The following TBC1D5 variants were observed in gnomAD, a reference collection of about 807,000 sequenced individuals.
TBC1D5 encodes TBC1 domain family, member 5.
Under a neutral mutation model 100.3 loss-of-function variants are expected in TBC1D5, and 75 were observed. The observed-to-expected ratio is 0.75, with a 90% confidence interval of 0.62 to 0.91. The LOEUF is 0.91. Among genes scored for constraint, TBC1D5 ranks in the 40% least tolerant of loss-of-function variants. TBC1D5 has a pLI of 0.00. For synonymous variants in TBC1D5, 323 were observed against 325.6 expected (o/e 0.99, Z 0.09); for missense variants, 910 against 942.4 (o/e 0.97, Z 0.45).
At chr3:17,502,213 A>C (rs2095795444) in intron 3 of TBC1D5, among the ~76,000 whole-genome samples, 1 of 149,764 alleles carries the variant, frequency 6.7e-6, no homozygotes, top group Admixed American at 6.6e-5. Context: ...ATGTCAGTTT[A>C]GTATAGAATA....
At chr3:17,445,091 G>A (rs1411113684) in intron 3 of TBC1D5, among the ~76,000 whole-genome samples, 1 of 152,078 alleles carries the variant, frequency 6.6e-6, no homozygotes, top group Admixed American at 6.6e-5. Flanking sequence ...CCTTATCAGT[G>A]GACATATGGC....
At chr3:17,331,780 T>C (rs2086893920) in intron 13 of TBC1D5, among the ~76,000 whole-genome samples, 1 of 152,200 alleles carries the variant, frequency 6.6e-6, no homozygotes, top group Non-Finnish European at 1.5e-5. Context: ...CATGGGAACA[T>C]CTTGGCATGG....
rs77554049 is a variant in TBC1D5 at position 17,558,352 on chromosome 3, A to G, written c.-35-49747T>C. On this transcript the variant is annotated intron_variant, in intron 2 of 21. Transcript: ENST00000253692. ...CACCTTAAATTACAATTTAATAGTA[A>G]TAATTGCCAAGACTGTCTAAAAAGC... Among the ~76,000 whole-genome samples, 90 of 152,332 alleles carry G rather than the reference A, an allele frequency of 5.9e-4. No homozygotes were observed. In the East Asian group the frequency reaches 0.017, roughly 28 times the overall value.
At chr3:17,231,645 A>G (rs2075430502) in intron 17 of TBC1D5, among the ~76,000 whole-genome samples, 1 of 151,654 alleles carries the variant, frequency 6.6e-6, no homozygotes, top group Non-Finnish European at 1.5e-5. Flanking sequence ...CATAGATAGA[A>G]TTTTTTTTTC....
At chr3:17,466,905 T>C (rs2095310019) in intron 3 of TBC1D5, among the ~76,000 whole-genome samples, 1 of 152,058 alleles carries the variant, frequency 6.6e-6, no homozygotes, top group African/African-American at 2.4e-5. Context: ...TAAAAGTTTA[T>C]AATAAAAACA....
chr3:17,690,173 T>C (rs2070916802), intron 1 of TBC1D5, among the ~76,000 whole-genome samples: 1 of 149,050 alleles, frequency 6.7e-6, no homozygotes, highest in Non-Finnish European at 1.5e-5. Context: ...ATAATAAGAA[T>C]ATAAGAGAAC....
chr3:17,395,098 G>A (rs2093463703), intron 8 of TBC1D5, among the ~76,000 whole-genome samples: 1 of 152,046 alleles, frequency 6.6e-6, no homozygotes, highest in Non-Finnish European at 1.5e-5. Flanking sequence ...AAAAGGAGGG[G>A]CGGTTTGGGA....
At chr3:17,261,113 C>A (rs946621225) in intron 15 of TBC1D5, among the ~76,000 whole-genome samples, 1 of 152,122 alleles carries the variant, frequency 6.6e-6, no homozygotes, top group African/African-American at 2.4e-5. Context: ...AAAAAGGATA[C>A]CAATATTTTT....
At chr3:17,694,657 A>G (rs1198490638) in intron 1 of TBC1D5, among the ~76,000 whole-genome samples, 2 of 152,208 alleles carry the variant, frequency 1.3e-5, no homozygotes, top group East Asian at 1.9e-4. Context: ...AATGGACCCA[A>G]GTTGGAAAAC....
At chr3:17,209,891 C>T (rs2072724345) in intron 18 of TBC1D5, among the ~76,000 whole-genome samples, 1 of 152,152 alleles carries the variant, frequency 6.6e-6, no homozygotes, top group African/African-American at 2.4e-5. Context: ...CCAATCTGGG[C>T]TTGCTACTAC....
At chr3:17,345,913 C>G (rs1044034756) in intron 13 of TBC1D5, among the ~76,000 whole-genome samples, 4 of 150,640 alleles carry the variant, frequency 2.7e-5, no homozygotes, top group African/African-American at 9.8e-5. Flanking sequence ...ACTCTGGGGA[C>G]TGTTGTGGGG....
chr3:17,297,371 T>C (rs753709029), intron 14 of TBC1D5, among the ~76,000 whole-genome samples: 7 of 152,094 alleles, frequency 4.6e-5, no homozygotes, highest in African/African-American at 1.2e-4. Flanking sequence ...GGTCAGGAGA[T>C]TGAGACCATC....
At chr3:17,337,260 C>T (rs1471304013) in intron 13 of TBC1D5, 1 of 151,570 alleles carries the variant, frequency 6.6e-6, no homozygotes, top group Non-Finnish European at 1.5e-5. Flanking sequence ...GTCCAGGGAC[C>T]ACATCTTAAG....
At chr3:17,518,179 T>TCC (rs1439774647) in intron 2 of TBC1D5, among the ~76,000 whole-genome samples, 1 of 151,936 alleles carries the variant, frequency 6.6e-6, no homozygotes, top group East Asian at 1.9e-4. Flanking sequence ...AAAGGGTGGG[T>TCC]CCCCGACAAA....
chr3:17,223,664 C>G (rs772091610), intron 17 of TBC1D5, among the ~76,000 whole-genome samples: 6 of 152,066 alleles, frequency 3.9e-5, no homozygotes, highest in Non-Finnish European at 8.8e-5. Flanking sequence ...AGTTCATGAC[C>G]AGCTTGGCTG....
chr3:17,171,231 G>A (rs1439369501), intron 19 of TBC1D5, among the ~76,000 whole-genome samples: 2 of 152,142 alleles, frequency 1.3e-5, no homozygotes, highest in African/African-American at 4.8e-5. Flanking sequence ...AGCACGCCAT[G>A]GAGCCACTGT....
intron 15 of TBC1D5, among the ~76,000 whole-genome samples, chr3:17,272,135 G>T (rs963992716): frequency 6.6e-6 from 1 of 152,130 alleles, no homozygotes; most frequent in African/African-American, 2.4e-5. Flanking sequence ...TGAACTTATT[G>T]CTGTTGCGAT....
chr3:17,162,246 A>C (rs533613341), intron 21 of TBC1D5, among the ~76,000 whole-genome samples: 1 of 152,236 alleles, frequency 6.6e-6, no homozygotes, highest in South Asian at 2.1e-4. Context: ...GTCTAATGAG[A>C]TATATGGAGA....
At chr3:17,358,179 T>G (rs1032804379) in intron 13 of TBC1D5, among the ~76,000 whole-genome samples, 5 of 148,852 alleles carry the variant, frequency 3.4e-5, no homozygotes, top group Non-Finnish European at 7.5e-5. Flanking sequence ...TTTTTTTTTG[T>G]TTGTTTGTTT....
Sources: allele counts gnomAD v4.1 joint callset (sites outside exome capture counted in the v4.1 genomes callset), GRCh38; gene constraint gnomAD v4.1.1; transcripts MANE v1.5; gene names NCBI Gene and HGNC (gene_info 2026-07-23, HGNC 2026-07-21).